CNTLN: variants seen among roughly 807,000 people sequenced by gnomAD.
CNTLN encodes centlein, centrosomal protein.
Under a neutral mutation model 180.0 loss-of-function variants are expected in CNTLN, and 212 were observed. The ratio of observed to expected loss-of-function variants is 1.18; its 90% confidence interval spans 1.05 to 1.32. CNTLN has a LOEUF of 1.32. CNTLN is among the 40% of genes most tolerant of loss of function. The pLI is 0.00. For synonymous variants in CNTLN, 722 were observed against 563.1 expected, an observed-to-expected ratio of 1.28 and a Z score of -3.99; for missense variants, 2,095 against 1,610.9, an observed-to-expected ratio of 1.30 and a Z score of -5.14.
intron 2 of CNTLN, among the ~76,000 whole-genome samples, chr9:17,154,522 A>C (rs1185445802): frequency 6.6e-6 from 1 of 152,210 alleles, no homozygotes; most frequent in Non-Finnish European, 1.5e-5. Flanking sequence ...GCTTCGACCC[A>C]GTGGGGCACC....
chr9:17,310,014 TGC>T (rs1819013685), intron 8 of CNTLN, among the ~76,000 whole-genome samples: 1 of 152,168 alleles, frequency 6.6e-6, no homozygotes, highest in African/African-American at 2.4e-5. Context: ...CCATATTGTA[TGC>T]ATTTTTTGGA....
At chr9:17,175,329 TAAG>T (rs1360630000) in intron 2 of CNTLN, among the ~76,000 whole-genome samples, 1 of 152,172 alleles carries the variant, frequency 6.6e-6, no homozygotes, top group Non-Finnish European at 1.5e-5. Context: ...AGAAGAGATT[TAAG>T]GAGGTCAAGT....
At chr9:17,267,521 A>C (rs1171019936) in intron 5 of CNTLN, among the ~76,000 whole-genome samples, 1 of 151,640 alleles carries the variant, frequency 6.6e-6, no homozygotes, top group Non-Finnish European at 1.5e-5. Context: ...TGTGTCTTGG[A>C]GTTGCTCTTC....
At chr9:17,479,436 A>G (rs1484138605) in intron 23 of CNTLN, among the ~76,000 whole-genome samples, 4 of 152,214 alleles carry the variant, frequency 2.6e-5, no homozygotes, top group African/African-American at 9.6e-5. Context: ...AAAGCCAGTT[A>G]CAGAAAGACA....
chr9:17,349,334 C>T (rs1822173795), intron 12 of CNTLN, among the ~76,000 whole-genome samples: 1 of 152,114 alleles, frequency 6.6e-6, no homozygotes, highest in Non-Finnish European at 1.5e-5. Flanking sequence ...TAGTTTCATA[C>T]TCAGTCTTAA....
intron 5 of CNTLN, among the ~76,000 whole-genome samples, chr9:17,255,334 G>A (rs1037331998): frequency 6.6e-6 from 1 of 151,576 alleles, no homozygotes; most frequent in African/African-American, 2.4e-5. Context: ...TTTGTATTTG[G>A]CCTTTGTTAT....
At chr9:17,253,526 C>T (rs1386630995) in intron 5 of CNTLN, among the ~76,000 whole-genome samples, 2 of 151,092 alleles carry the variant, frequency 1.3e-5, no homozygotes, top group African/African-American at 4.9e-5. Flanking sequence ...TTTTCTGTAG[C>T]TTTTGGAAGT....
chr9:17,379,108 C>G (rs1825016186), intron 13 of CNTLN, among the ~76,000 whole-genome samples: 1 of 151,460 alleles, frequency 6.6e-6, no homozygotes, highest in South Asian at 2.1e-4. Flanking sequence ...TGAATTGTTT[C>G]TGATAAGAAT....
intron 13 of CNTLN, among the ~76,000 whole-genome samples, chr9:17,372,315 A>G (rs976826506): frequency 6.6e-6 from 1 of 152,180 alleles, no homozygotes; most frequent in African/African-American, 2.4e-5. Flanking sequence ...AGTGGCTACT[A>G]TCACCAACTA....
At chr9:17,513,639 G>T in the CNTLN span, among the ~76,000 whole-genome samples, 15 of 152,234 alleles carry the variant, frequency 9.9e-5, no homozygotes, top group Middle Eastern at 3.4e-3. Flanking sequence ...TGAGGCTGCA[G>T]TGAGCTGTGA....
chr9:17,450,565 A>G (rs1202760841), intron 18 of CNTLN, among the ~76,000 whole-genome samples: 6 of 152,214 alleles, frequency 3.9e-5, no homozygotes, highest in African/African-American at 1.2e-4. Context: ...TTGCTGGAAT[A>G]AAAAGAGGAT....
Position 17,247,299 on chromosome 9 carries a change from G to C in CNTLN, c.849+10711G>C, listed in dbSNP as rs575306486. 3.3e-5 allele frequency among the ~76,000 whole-genome samples: 5 copies of C among 152,254 alleles called. No individual in the cohort carries two copies. The East Asian group carries it at 9.7e-4, about 30-fold the overall frequency. On this transcript the variant is annotated intron_variant, in intron 5 of 25. Transcript: ENST00000380647. The stretch of plus-strand genomic sequence containing the variant: ...TTGTGACAGGGCTTGCCTGAACTCA[G>C]ATTCCAACTGCTGGGTTGGGAGATT...
At chr9:17,513,218 A>T in the CNTLN span, among the ~76,000 whole-genome samples, 3 of 152,142 alleles carry the variant, frequency 2.0e-5, no homozygotes, top group Admixed American at 6.5e-5. Flanking sequence ...ACCATCTGTG[A>T]GGCAAAGATA....
intron 2 of CNTLN, among the ~76,000 whole-genome samples, chr9:17,213,097 G>A (rs967703895): frequency 2.6e-5 from 4 of 152,088 alleles, no homozygotes. Context: ...CCTTCTGCTA[G>A]CTTTTGAATG....
intron 10 of CNTLN, among the ~76,000 whole-genome samples, chr9:17,335,336 G>A (rs1820937355): frequency 1.3e-5 from 2 of 152,112 alleles, no homozygotes; most frequent in Admixed American, 1.3e-4. Flanking sequence ...GGTTAACATG[G>A]TGAAACCCTG....
intron 2 of CNTLN, among the ~76,000 whole-genome samples, chr9:17,201,043 G>C (rs755774601): frequency 2.6e-5 from 4 of 152,098 alleles, no homozygotes; most frequent in African/African-American, 9.7e-5. Flanking sequence ...TAACATGAAG[G>C]GATGTTGAAT....
intron 15 of CNTLN, among the ~76,000 whole-genome samples, chr9:17,404,039 G>A (rs1827186630): frequency 6.6e-6 from 1 of 151,788 alleles, no homozygotes; most frequent in Non-Finnish European, 1.5e-5. Context: ...GCCTCCCAAA[G>A]TGCTGGAATT....
At chr9:17,457,444 A>G (rs889936471) in intron 18 of CNTLN, 80 bp from the exon 19 acceptor site, 152 of 787,178 alleles carry the variant, frequency 1.9e-4, no homozygotes, top group Non-Finnish European at 2.5e-4. Context: ...TAGCTGTAGA[A>G]TTTTATGCTG....
intron 8 of CNTLN, 89 bp downstream of exon 8, chr9:17,309,341 A>G (rs1818964035): frequency 9.9e-7 from 1 of 1,006,986 alleles, no homozygotes; most frequent in Non-Finnish European, 1.4e-6. Flanking sequence ...ATTTAAATAT[A>G]TTTGCATTTA....
Sources: allele counts gnomAD v4.1 joint callset (sites outside exome capture counted in the v4.1 genomes callset), GRCh38; gene constraint gnomAD v4.1.1; transcripts MANE v1.5; gene names NCBI Gene and HGNC (gene_info 2026-07-23, HGNC 2026-07-21).